The following NLGN1 variants were observed in gnomAD, a reference collection of about 807,000 sequenced individuals.
The protein encoded by NLGN1 is neuroligin 1, also known as neuroligin-1.
In NLGN1, 12 loss-of-function variants were observed where a neutral mutation model predicts 65.5. The observed-to-expected ratio is 0.18, with a 90% CI of 0.12 to 0.30. The LOEUF (loss-of-function observed/expected upper bound fraction) is 0.30, where lower values mean the gene tolerates loss of function less well. Ranked by LOEUF, NLGN1 falls within the 10% of genes least tolerant of loss-of-function variation. NLGN1 has a pLI of 1.00. For synonymous variants in NLGN1, 350 were observed against 359.5 expected, an observed-to-expected ratio of 0.97 and a Z score of 0.30; for missense variants, 750 against 1,007.1, an observed-to-expected ratio of 0.74 and a Z score of 3.46.
intron 4 of NLGN1, among the ~76,000 whole-genome samples, chr3:174,042,947 A>C (rs1377575051): frequency 6.6e-6 from 1 of 152,154 alleles, no homozygotes; most frequent in Non-Finnish European, 1.5e-5. Flanking sequence ...TAAAGAAAAG[A>C]GATTTAATTG....
chr3:173,954,889 TG>T (rs1711587329), intron 4 of NLGN1, among the ~76,000 whole-genome samples: 1 of 152,182 alleles, frequency 6.6e-6, no homozygotes, highest in Non-Finnish European at 1.5e-5. Flanking sequence ...GAAATAATAC[TG>T]AGTACTTGCA....
chr3:173,970,831 G>C (rs1043794159), intron 4 of NLGN1, among the ~76,000 whole-genome samples: 60 of 152,288 alleles, frequency 3.9e-4, no homozygotes, highest in African/African-American at 1.4e-3. Context: ...GTTGCTACTT[G>C]CACTTCTTAA....
At chr3:173,958,183 G>T (rs373712487) in intron 4 of NLGN1, among the ~76,000 whole-genome samples, 1 of 152,196 alleles carries the variant, frequency 6.6e-6, no homozygotes, top group African/African-American at 2.4e-5. Context: ...GCAACATAGC[G>T]AGCAAGGGGC....
intron 4 of NLGN1, among the ~76,000 whole-genome samples, chr3:174,164,827 C>T (rs1313658676): frequency 6.6e-6 from 1 of 150,906 alleles, no homozygotes; most frequent in Non-Finnish European, 1.5e-5. Context: ...TGTTTTTTTC[C>T]AGTGCTGTGT....
At chr3:174,268,259 A>G (rs1465236119) in intron 4 of NLGN1, among the ~76,000 whole-genome samples, 1 of 152,192 alleles carries the variant, frequency 6.6e-6, no homozygotes, top group East Asian at 1.9e-4. Context: ...GAAAGCAGTT[A>G]TTCAAACTGC....
rs866727231 is a variant in NLGN1, at chr3:173,992,989, G to A, written c.646+185157G>A. Among the ~76,000 whole-genome samples, 3 of 152,072 alleles carry A rather than the reference G, an allele frequency of 2.0e-5. No individual in the cohort carries two copies. In the South Asian group the frequency reaches 6.2e-4, roughly 31 times the overall value. ...CAATTAAAATTAATGATTGTGTGGC[G>A]TAATAGTACAAGAGGCTATTTAATC... is the stretch of plus-strand genomic sequence containing the variant. On this transcript the variant is annotated intron_variant, in intron 4 of 6. Transcript: ENST00000457714.
At chr3:174,038,620 A>G (rs1731630687) in intron 4 of NLGN1, among the ~76,000 whole-genome samples, 1 of 152,086 alleles carries the variant, frequency 6.6e-6, no homozygotes, top group Non-Finnish European at 1.5e-5. Flanking sequence ...GCTACATCTT[A>G]TGGAATATTT....
chr3:173,581,681 A>C (rs1192667447), intron 2 of NLGN1, among the ~76,000 whole-genome samples: 1 of 152,048 alleles, frequency 6.6e-6, no homozygotes, highest in Non-Finnish European at 1.5e-5. Context: ...AATATTTAGT[A>C]GTACAGTTTT....
chr3:173,666,843 T>A (rs1219197205), intron 3 of NLGN1, among the ~76,000 whole-genome samples: 3 of 152,204 alleles, frequency 2.0e-5, no homozygotes, highest in Admixed American at 1.3e-4. Flanking sequence ...ACATAGTTTT[T>A]AATTGCATTA....
chr3:173,633,282 G>C (rs4505737), intron 3 of NLGN1, among the ~76,000 whole-genome samples: 1 of 152,204 alleles, frequency 6.6e-6, no homozygotes, highest in Admixed American at 6.5e-5. Flanking sequence ...CTTCATGTAA[G>C]ATCCTCCATG....
rs553379879 is a variant in NLGN1 at position 173,515,221 on chromosome 3, T to C, written c.-321+80143T>C. The stretch of plus-strand genomic sequence containing the variant: ...ACAGGTGCGACATGATATCTCATTG[T>C]GGTTTTGACTTGTATTTCCTCAATT... On this transcript the variant is annotated intron_variant, in intron 2 of 6. Coordinates refer to ENST00000457714, the Ensembl canonical transcript of NLGN1. Among the ~76,000 whole-genome samples, 19 of 152,318 alleles carry C rather than the reference T, an allele frequency of 1.2e-4. No individual in the cohort carries two copies. The East Asian group carries it at 3.7e-3, about 29-fold the overall frequency.
intron 3 of NLGN1, among the ~76,000 whole-genome samples, chr3:173,607,192 A>G (rs2149455832): frequency 6.6e-6 from 1 of 152,028 alleles, no homozygotes; most frequent in East Asian, 1.9e-4. Flanking sequence ...TGTTCTTTGT[A>G]TTGTTGGTTC....
intron 2 of NLGN1, among the ~76,000 whole-genome samples, chr3:173,462,846 A>G (rs1314877836): frequency 2.0e-5 from 3 of 152,310 alleles, no homozygotes; most frequent in African/African-American, 7.2e-5. Context: ...GTACCAAACA[A>G]ATTCAAGAAA....
intron 3 of NLGN1, among the ~76,000 whole-genome samples, chr3:173,726,606 TG>T (rs1384227123): frequency 6.6e-6 from 1 of 152,156 alleles, no homozygotes; most frequent in Non-Finnish European, 1.5e-5. Context: ...GCTTGTGGCC[TG>T]TCACCTTTCT....
intron 4 of NLGN1, among the ~76,000 whole-genome samples, chr3:174,211,774 A>G (rs1460923717): frequency 5.9e-5 from 9 of 151,568 alleles, no homozygotes; most frequent in Admixed American, 3.9e-4. Context: ...CAGAGCAGCT[A>G]GATACAGAGT....
At chr3:174,036,022 A>G (rs533348109) in intron 4 of NLGN1, among the ~76,000 whole-genome samples, 3 of 152,312 alleles carry the variant, frequency 2.0e-5, no homozygotes, top group African/African-American at 7.2e-5. Context: ...TACTTTTACA[A>G]TAAAGAGATA....
At chr3:173,655,178 C>T (rs184439770) in intron 3 of NLGN1, among the ~76,000 whole-genome samples, 8 of 151,920 alleles carry the variant, frequency 5.3e-5, no homozygotes, top group East Asian at 1.9e-4. Flanking sequence ...AGTATTTTAA[C>T]GGAAAGAAAA....
chr3:174,057,562 C>T (rs1736426920), intron 4 of NLGN1: 1 of 152,074 alleles, frequency 6.6e-6, no homozygotes, highest in Non-Finnish European at 1.5e-5. Flanking sequence ...TTCTAATCTT[C>T]CATGTGTATT....
rs369534004 is a variant in NLGN1 at position 174,206,820 on chromosome 3, G to T, written c.647-68495G>T. Among the ~76,000 whole-genome samples, 24 of 152,256 alleles carry T rather than the reference G, an allele frequency of 1.6e-4. No homozygotes were observed. In the East Asian group the frequency reaches 2.7e-3, roughly 17 times the overall value. Reference sequence around the variant, plus strand: ...AACTGATAGACTCTTGGAAGCAAGGGTGTGCCTTTGTTTACCCAGCAAAAC... The same window carrying T: ...AACTGATAGACTCTTGGAAGCAAGGTTGTGCCTTTGTTTACCCAGCAAAAC... On this transcript the variant is annotated intron_variant, in intron 4 of 6. Coordinates refer to ENST00000457714, the Ensembl canonical transcript of NLGN1.
Sources: allele counts gnomAD v4.1 joint callset (sites outside exome capture counted in the v4.1 genomes callset), GRCh38; gene constraint gnomAD v4.1.1; transcripts MANE v1.5; gene names NCBI Gene and HGNC (gene_info 2026-07-23, HGNC 2026-07-21).